Variants in SPAG16 observed in about 807,000 individuals in gnomAD.
SPAG16 encodes sperm-associated antigen 16 protein.
SPAG16 carries 86 observed loss-of-function variants against 80.4 expected under a neutral mutation model. The observed-to-expected ratio is 1.07, with a 90% CI of 0.90 to 1.28. SPAG16 has a LOEUF of 1.28. Among genes scored for constraint, SPAG16 ranks in the 50% most tolerant of loss-of-function variants. The pLI is 0.00. For synonymous variants in SPAG16, 294 were observed against 265.9 expected (o/e 1.11, Z -1.03); for missense variants, 870 against 765.3 (o/e 1.14, Z -1.61).
At chr2:213,468,082 G>C (rs2072805967) in intron 9 of SPAG16, among the ~76,000 whole-genome samples, 1 of 152,068 alleles carries the variant, frequency 6.6e-6, no homozygotes, top group South Asian at 2.1e-4. Flanking sequence ...GCTTCCTCCT[G>C]ATACCAGGGG....
chr2:214,345,279 G>T (rs1321048907), intron 15 of SPAG16, among the ~76,000 whole-genome samples: 2 of 152,124 alleles, frequency 1.3e-5, no homozygotes, highest in Middle Eastern at 3.4e-3. Context: ...TTGACATTTG[G>T]CTAATATCTG....
chr2:213,365,755 A>G (rs907721993), intron 8 of SPAG16, among the ~76,000 whole-genome samples: 3 of 151,846 alleles, frequency 2.0e-5, no homozygotes, highest in Admixed American at 2.0e-4. Flanking sequence ...ACTGCGCCCA[A>G]TCAAAAATTT....
At chr2:213,356,921 T>C (rs1288185792) in intron 7 of SPAG16, among the ~76,000 whole-genome samples, 1 of 152,210 alleles carries the variant, frequency 6.6e-6, no homozygotes, top group South Asian at 2.1e-4. Context: ...CTGCTTTAAA[T>C]GTGTCCCAGA....
chr2:213,426,477 C>G (rs2371964), intron 9 of SPAG16, among the ~76,000 whole-genome samples: 1 of 145,564 alleles, frequency 6.9e-6, no homozygotes, highest in Non-Finnish European at 1.5e-5. Flanking sequence ...TCTAATGATT[C>G]TTTTTTCCTA....
chr2:213,960,698 C>A (rs1223500029), intron 12 of SPAG16, among the ~76,000 whole-genome samples: 1 of 152,178 alleles, frequency 6.6e-6, no homozygotes, highest in Non-Finnish European at 1.5e-5. Context: ...TAATTTTCCT[C>A]ACATACGCAG....
At chr2:213,307,420 T>C (rs937115044) in intron 3 of SPAG16, among the ~76,000 whole-genome samples, 4 of 142,310 alleles carry the variant, frequency 2.8e-5, no homozygotes, top group African/African-American at 1.0e-4. Flanking sequence ...GTGTTCTCAT[T>C]GTTCAGTTCC....
chr2:213,761,349 C>T (rs1050577211), intron 10 of SPAG16, among the ~76,000 whole-genome samples: 1 of 151,862 alleles, frequency 6.6e-6, no homozygotes, highest in African/African-American at 2.4e-5. Flanking sequence ...ATGTATGGAA[C>T]TAGAAAAATA....
chr2:213,950,698 C>CT (rs2079714640), intron 12 of SPAG16, among the ~76,000 whole-genome samples: 1 of 52,402 alleles, frequency 1.9e-5, no homozygotes, highest in African/African-American at 6.6e-5. Flanking sequence ...TTTCTTTTTT[C>CT]TTTCTTTTTT....
intron 10 of SPAG16, among the ~76,000 whole-genome samples, chr2:213,590,079 A>G (rs1019366715): frequency 6.6e-6 from 1 of 152,120 alleles, no homozygotes; most frequent in Non-Finnish European, 1.5e-5. Context: ...ATTCTCAACC[A>G]ACTTGGCAGT....
At chr2:213,844,992 A>G (rs2125766531) in intron 10 of SPAG16, among the ~76,000 whole-genome samples, 1 of 152,298 alleles carries the variant, frequency 6.6e-6, no homozygotes, top group South Asian at 2.1e-4. Context: ...CACAATGCAT[A>G]TGTAACATGG....
chr2:214,057,178 C>CTT (rs36181178), intron 13 of SPAG16, among the ~76,000 whole-genome samples: 1 of 144,540 alleles, frequency 6.9e-6, no homozygotes, highest in East Asian at 2.1e-4. Flanking sequence ...TTTCAGTTTA[C>CTT]TTTTTTTTTT....
At position 214,013,996 on chromosome 2, in the gene SPAG16, C is replaced by G. The variant is rs2124963388; in HGVS notation, c.1446C>G (p.Asn482Lys). Reference sequence around the variant, plus strand: ...TGTATGGACATACAGATTCTGTGAACAGCATTGAGTTTTTTCCTTTCTCCA... The same window carrying G: ...TGTATGGACATACAGATTCTGTGAAGAGCATTGAGTTTTTTCCTTTCTCCA... The part of the protein sequence containing the change: ...CTLYGHTDSV[N>K]SIEFFPFSNT... The change falls in exon 13 of 16, where the codon AAC (asparagine) becomes AAG (lysine). Residue 482 changes from asparagine (N) to lysine (K), a missense_variant. Coordinates refer to ENST00000331683, the MANE Select transcript of SPAG16 (RefSeq NM_024532.5). The G allele has an allele frequency of 6.2e-7, 1 of 1,613,494 alleles. No homozygotes were observed. Among genetic ancestry groups the G allele is most frequent in the Non-Finnish European group, 8.5e-7 (1 of 1,179,704 alleles).
At chr2:214,114,829 C>A (rs1375041770) in intron 14 of SPAG16, among the ~76,000 whole-genome samples, 1 of 152,170 alleles carries the variant, frequency 6.6e-6, no homozygotes. Flanking sequence ...TCCAACCAGT[C>A]CCAGTGAGAT....
chr2:213,923,701 C>T (rs566960991), intron 11 of SPAG16, among the ~76,000 whole-genome samples: 11 of 152,250 alleles, frequency 7.2e-5, no homozygotes, highest in Admixed American at 2.0e-4. Flanking sequence ...GACTGCTGGG[C>T]GGGAAGCTCT....
intron 10 of SPAG16, among the ~76,000 whole-genome samples, chr2:213,783,403 G>C (rs1004695595): frequency 5.4e-5 from 8 of 148,884 alleles, no homozygotes; most frequent in Admixed American, 3.4e-4. Flanking sequence ...GAGTTATACA[G>C]TCAATACATT....
At chr2:213,739,545 T>C (rs554180135) in intron 10 of SPAG16, among the ~76,000 whole-genome samples, 4 of 152,344 alleles carry the variant, frequency 2.6e-5, no homozygotes, top group African/African-American at 7.2e-5. Flanking sequence ...ATATCATTTA[T>C]GGAAAAAATT....
intron 11 of SPAG16, among the ~76,000 whole-genome samples, chr2:213,882,209 A>G (rs1449076315): frequency 6.6e-6 from 1 of 152,176 alleles, no homozygotes; most frequent in East Asian, 1.9e-4. Context: ...TAATGTTTTG[A>G]TGTGCTGCTG....
rs572457981 is a variant in SPAG16, at chr2:213,737,735, G to A, written c.1071-124750G>A. 9.5e-4 allele frequency among the ~76,000 whole-genome samples: 144 copies of A among 152,112 alleles called. 1 individual carries two copies. The highest frequency in any genetic ancestry group is 3.3e-3 in the African/African-American group (137 of 41,506). ...GATCTCCTGACCTTGTGATCAGCCC[G>A]CCTCGGCCTCCCAAAGTGCTGGGAT... is the stretch of plus-strand genomic sequence containing the variant. On this transcript the variant is annotated intron_variant, in intron 10 of 15. Transcript: ENST00000331683.
At chr2:213,937,889 C>G (rs895716701) in intron 12 of SPAG16, among the ~76,000 whole-genome samples, 1 of 151,774 alleles carries the variant, frequency 6.6e-6, no homozygotes, top group Admixed American at 6.6e-5. Flanking sequence ...ATACATGGAT[C>G]AATAATAAAA....
Sources: allele counts gnomAD v4.1 joint callset (sites outside exome capture counted in the v4.1 genomes callset), GRCh38; gene constraint gnomAD v4.1.1; transcripts MANE v1.5; gene names NCBI Gene and HGNC (gene_info 2026-07-23, HGNC 2026-07-21).